The following SOX6 variants were observed in gnomAD, a reference collection of about 807,000 sequenced individuals.
The protein encoded by SOX6 is transcription factor SOX-6.
A neutral mutation model predicts 97.8 loss-of-function variants in SOX6; 11 were observed. The observed-to-expected ratio is 0.11, with a 90% CI of 0.07 to 0.19. SOX6 has a LOEUF of 0.19. Ranked by LOEUF, SOX6 falls within the 10% of genes least tolerant of loss-of-function variation. The pLI, the probability that SOX6 is intolerant of heterozygous loss-of-function variation, is 1.00. For missense variants in SOX6, 810 were observed against 1,039.5 expected (o/e 0.78, Z 3.04); for synonymous variants, 360 against 371.4 (o/e 0.97, Z 0.35).
In SOX6 at chr11:16,445,275, C is replaced by T. The variant is rs536798973; in HGVS notation, c.-5+31040G>A. Reference sequence around the variant, plus strand: ...TCAGGAAACTGTCATTTACATAATCCACCAACTTTGCAAATTATTTCCCAA... The same window carrying T: ...TCAGGAAACTGTCATTTACATAATCTACCAACTTTGCAAATTATTTCCCAA... On this transcript the variant is annotated intron_variant, in intron 1 of 15. Transcript: ENST00000396356. Among the ~76,000 whole-genome samples the T allele has an allele frequency of 1.1e-4, 16 of 152,254 alleles. No homozygotes were observed. The South Asian group carries it at 3.1e-3, about 30-fold the overall frequency.
At chr11:16,239,170 A>G (rs1853110673) in intron 3 of SOX6, among the ~76,000 whole-genome samples, 1 of 152,054 alleles carries the variant, frequency 6.6e-6, no homozygotes, top group Admixed American at 6.6e-5. Context: ...GGAGAGCTTG[A>G]AGAGCACTCT....
At chr11:16,561,902 T>TG (rs1412796127) in intron 4 of SOX6, among the ~76,000 whole-genome samples, 1 of 151,598 alleles carries the variant, frequency 6.6e-6, no homozygotes, top group South Asian at 2.1e-4. Flanking sequence ...CTAATTTTTT[T>TG]TTTTCATAGA....
At chr11:16,170,848 C>A (rs1851020290) in intron 6 of SOX6, among the ~76,000 whole-genome samples, 1 of 151,906 alleles carries the variant, frequency 6.6e-6, no homozygotes, top group Admixed American at 6.6e-5. Context: ...CATTTATGTA[C>A]AAATCAATCC....
chr11:16,125,496 T>C (rs910253701), intron 6 of SOX6, among the ~76,000 whole-genome samples: 4 of 152,026 alleles, frequency 2.6e-5, no homozygotes, highest in African/African-American at 9.7e-5. Flanking sequence ...TCTTTTTCAG[T>C]TAGGGGGAGT....
rs976972921 is a variant in SOX6, at chr11:15,968,514, C to A, written c.*4295G>T. Reference sequence around the variant, plus strand: ...CAGCTGTGCTGTTCAAGTGACCAGGCTGCCTTCCTACTGAGGGTAAATGGG... The same window carrying A: ...CAGCTGTGCTGTTCAAGTGACCAGGATGCCTTCCTACTGAGGGTAAATGGG... On this transcript the variant is annotated 3_prime_UTR_variant, in exon 16 of 16. Coordinates refer to ENST00000683767, the MANE Select transcript of SOX6 (RefSeq NM_001367873.1). 6.6e-6 allele frequency: 1 copy of A among 152,230 alleles called. No homozygotes were observed. Among genetic ancestry groups the A allele is most frequent in the Non-Finnish European group, 1.5e-5 (1 of 68,060 alleles). The allele number at this position is 152,230 out of a possible 1,614,324, so 9.4% of individuals were successfully genotyped here.
chr11:16,303,404 T>G (rs1009936776), intron 3 of SOX6, among the ~76,000 whole-genome samples: 9 of 152,214 alleles, frequency 5.9e-5, no homozygotes, highest in Non-Finnish European at 8.8e-5. Context: ...ACTTTTCATC[T>G]ATGTCAAAAT....
At chr11:16,684,578 T>C (rs1406447158) in intron 3 of SOX6, among the ~76,000 whole-genome samples, 1 of 116,400 alleles carries the variant, frequency 8.6e-6, no homozygotes, top group African/African-American at 3.4e-5. Context: ...CAGGGCCTAT[T>C]GGCGGGGTGG....
intron 1 of SOX6, among the ~76,000 whole-genome samples, chr11:16,362,145 A>C (rs1017111702): frequency 1.3e-5 from 2 of 152,176 alleles, no homozygotes; most frequent in African/African-American, 4.8e-5. Context: ...GGTTCCTCTC[A>C]AAGAAGAAAA....
intron 13 of SOX6, among the ~76,000 whole-genome samples, chr11:15,998,748 T>A (rs757005014): frequency 1.3e-5 from 2 of 152,140 alleles, no homozygotes; most frequent in Non-Finnish European, 2.9e-5. Context: ...AAATCCTGCA[T>A]CTTGTATCAC....
At chr11:15,975,229 A>T (rs1853439787) in intron 15 of SOX6, among the ~76,000 whole-genome samples, 1 of 152,242 alleles carries the variant, frequency 6.6e-6, no homozygotes, top group Non-Finnish European at 1.5e-5. Context: ...CTCTTATTGA[A>T]TCAAATTTTA....
intron 3 of SOX6, among the ~76,000 whole-genome samples, chr11:16,636,069 G>C (rs1477133533): frequency 6.6e-6 from 1 of 152,212 alleles, no homozygotes; most frequent in Non-Finnish European, 1.5e-5. Context: ...GCACTGCCTA[G>C]TGGTGCTGTG....
Position 15,976,961 on chromosome 11 carries a change from C to G in SOX6, c.2184-3849G>C, listed in dbSNP as rs113598187. ...AGTTGGTTATTTGCTTTCCATCCCC[C>G]TCACATGAATGGGCCTGGAGGTGGG... On this transcript the variant is annotated intron_variant, in intron 15 of 15. Transcript: ENST00000683767. 8.1e-3 allele frequency among the ~76,000 whole-genome samples: 1,234 copies of G among 152,130 alleles called. 22 individuals carry two copies. The highest frequency in any genetic ancestry group is 0.028 in the African/African-American group (1,147 of 41,492).
intron 1 of SOX6, among the ~76,000 whole-genome samples, chr11:16,351,215 A>G (rs1437195584): frequency 6.6e-6 from 1 of 151,986 alleles, no homozygotes; most frequent in Non-Finnish European, 1.5e-5. Flanking sequence ...TCATTCATCC[A>G]CACCCAGAAG....
rs115347686 is a variant in SOX6, at chr11:16,582,677, C to T, written n.609+29404G>A. Among the ~76,000 whole-genome samples the T allele has an allele frequency of 7.7e-3, 1,163 of 151,586 alleles. 16 individuals carry two copies. Among genetic ancestry groups the T allele is most frequent in the African/African-American group, 0.025 (1,047 of 41,366 alleles). ...AGATACAAAAAAGAAGAAAAGAAAA[C>T]AATATGTCAACTTTGTGCCAATATA... On this transcript the variant is annotated intron_variant and non_coding_transcript_variant, in intron 4 of 5. Coordinates refer to the SOX6 transcript ENST00000524520.
chr11:16,320,621 G>C (rs1242204483), intron 2 of SOX6, among the ~76,000 whole-genome samples: 1 of 152,054 alleles, frequency 6.6e-6, no homozygotes, highest in African/African-American at 2.4e-5. Flanking sequence ...TTGGGAATGG[G>C]ACTAAAGAGA....
At chr11:16,373,821 G>GAGGAAGGAAGGA (rs149710263) in intron 1 of SOX6, among the ~76,000 whole-genome samples, 1 of 105,506 alleles carries the variant, frequency 9.5e-6, no homozygotes, top group African/African-American at 3.8e-5. Context: ...GGGAGGGAGA[G>GAGGAAGGAAGGA]AGGAAGGAAG....
intron 13 of SOX6, among the ~76,000 whole-genome samples, chr11:16,002,897 A>G (rs969573789): frequency 3.3e-4 from 50 of 152,326 alleles, no homozygotes; most frequent in Non-Finnish European, 6.6e-4. Context: ...TACTGAATCC[A>G]TCCTCTCATT....
At chr11:15,998,836 A>G (rs4335502) in intron 13 of SOX6, among the ~76,000 whole-genome samples, 50,165 of 151,986 alleles carry the variant, frequency 0.33, 9,064 homozygotes, top group Non-Finnish European at 0.41. Flanking sequence ...CTAAATATAC[A>G]TAAGACAATA....
At chr11:16,699,253 T>C (rs1848075553) in intron 3 of SOX6, among the ~76,000 whole-genome samples, 1 of 152,216 alleles carries the variant, frequency 6.6e-6, no homozygotes, top group Non-Finnish European at 1.5e-5. Context: ...GATATTACTA[T>C]AGCCCATTTT....
Sources: allele counts gnomAD v4.1 joint callset (sites outside exome capture counted in the v4.1 genomes callset), GRCh38; gene constraint gnomAD v4.1.1; transcripts MANE v1.5; gene names NCBI Gene and HGNC (gene_info 2026-07-23, HGNC 2026-07-21).